The following NFATC1 variants were observed in gnomAD, a reference collection of about 807,000 sequenced individuals.
NFATC1 encodes nuclear factor of activated T cells 1.
Under a neutral mutation model 76.0 loss-of-function variants are expected in NFATC1, and 22 were observed. That is an observed-to-expected ratio of 0.29 (90% CI 0.21 to 0.41). The LOEUF (loss-of-function observed/expected upper bound fraction) is 0.41, where lower values mean the gene tolerates loss of function less well. Ranked by LOEUF, NFATC1 falls within the 10% of genes least tolerant of loss-of-function variation. The pLI is 1.00. For synonymous variants in NFATC1, 704 were observed against 613.1 expected, an observed-to-expected ratio of 1.15 and a Z score of -2.19; for missense variants, 1,357 against 1,337.7, an observed-to-expected ratio of 1.01 and a Z score of -0.23.
chr18:79,405,644 A>T lies in NFATC1; in HGVS notation c.128-4759A>T, dbSNP rs2085409750. 2.0e-5 allele frequency among the ~76,000 whole-genome samples: 3 copies of T among 152,296 alleles called. 1 individual carries two copies. The South Asian group carries it at 6.2e-4, about 32-fold the overall frequency. On this transcript the variant is annotated intron_variant, in intron 1 of 9. Coordinates refer to ENST00000427363, the MANE Select transcript of NFATC1 (RefSeq NM_001278669.2). ...CTTCTAGGAGGAACAAGGGAACTTT[A>T]TCCACTACCCGCCCTCCAAGGACCT...
rs577441637 is a variant in NFATC1, at chr18:79,458,837, G to C, written c.1904-2474G>C. Among the ~76,000 whole-genome samples, 119 of 152,370 alleles carry C rather than the reference G, an allele frequency of 7.8e-4. 1 individual carries two copies. Among genetic ancestry groups the C allele is most frequent in the African/African-American group, 2.7e-3 (114 of 41,584 alleles). ...CTGCGTCTCCTTTCCTGAGATGCGA[G>C]GTTATTTCCATCTTTCAGCAGTCTC... On this transcript the variant is annotated intron_variant, in intron 6 of 9. Coordinates refer to ENST00000427363, the MANE Select transcript of NFATC1 (RefSeq NM_001278669.2).
At chr18:79,464,709 T>A (rs1383488902) in intron 7 of NFATC1, among the ~76,000 whole-genome samples, 1 of 124,102 alleles carries the variant, frequency 8.1e-6, no homozygotes, top group South Asian at 2.3e-4. Flanking sequence ...TTTATTTATT[T>A]ATTTTTTTTT....
intron 3 of NFATC1, among the ~76,000 whole-genome samples, chr18:79,446,310 A>G (rs536498138): frequency 2.2e-4 from 33 of 152,324 alleles, no homozygotes; most frequent in African/African-American, 7.7e-4. Flanking sequence ...ACACCATCAG[A>G]GAACTGCCAC....
intron 1 of NFATC1, chr18:79,400,222 G>A (rs976486807): frequency 1.8e-5 from 21 of 1,194,302 alleles, no homozygotes; most frequent in East Asian, 3.8e-5. Context: ...CGGCGGCCGC[G>A]AGCCGGTTGT....
intron 2 of NFATC1, among the ~76,000 whole-genome samples, chr18:79,424,859 CTCTG>C (rs1188854540): frequency 4.3e-5 from 6 of 139,804 alleles, no homozygotes; most frequent in African/African-American, 1.5e-4. Flanking sequence ...CTCTGTCTCT[CTCTG>C]TCTCTCCATC....
rs754624383 is a variant in NFATC1 at position 79,410,071 on chromosome 18, G to A, written c.128-332G>A. ...CGTTCGGATGAAGATGGGGTGGTTGGGGAAGGTGGTTTTTGAATGAAGAGC... is the reference window on the plus strand; with the variant it reads ...CGTTCGGATGAAGATGGGGTGGTTGAGGAAGGTGGTTTTTGAATGAAGAGC... On this transcript the variant is annotated intron_variant, in intron 1 of 9. Coordinates refer to ENST00000427363, the MANE Select transcript of NFATC1 (RefSeq NM_001278669.2). This position sits in a 1 kb window ranked among gnomAD's most constrained non-coding sequence, Gnocchi z 6.7. 4.5e-6 allele frequency: 3 copies of A among 660,654 alleles called. No individual in the cohort carries two copies. The highest frequency in any genetic ancestry group is 3.5e-5 in the African/African-American group (2 of 56,532). The allele number at this position is 660,654 out of a possible 1,614,324, so 40.9% of individuals were successfully genotyped here.
rs368141487 is a variant in NFATC1, at chr18:79,451,657, C to A, written c.1763-19C>A. On this transcript the variant is annotated intron_variant, in intron 5 of 9. Coordinates refer to ENST00000427363, the MANE Select transcript of NFATC1 (RefSeq NM_001278669.2). The stretch of plus-strand genomic sequence containing the variant: ...CCCACTCAGGACAGGCCCTCACTGC[C>A]CCTCTCCTTCTGATGCAGCCCAGCG... The A allele has an allele frequency of 1.9e-6, 3 of 1,570,850 alleles. No individual in the cohort carries two copies. The African/African-American group carries it at 4.1e-5, about 21-fold the overall frequency.
At chr18:79,458,628 G>T (rs542053067) in intron 6 of NFATC1, among the ~76,000 whole-genome samples, 1 of 152,222 alleles carries the variant, frequency 6.6e-6, no homozygotes, top group Non-Finnish European at 1.5e-5. Flanking sequence ...TCCTGCACTC[G>T]GGCAGTTTCC....
chr18:79,430,286 C>G (rs369249648), intron 2 of NFATC1, among the ~76,000 whole-genome samples: 240 of 152,088 alleles, frequency 1.6e-3, no homozygotes, highest in African/African-American at 5.4e-3. Flanking sequence ...CTTTTCTTTT[C>G]TTCTTTCCTC....
At chr18:79,479,165 T>C (rs1424964231) in intron 8 of NFATC1, among the ~76,000 whole-genome samples, 4 of 152,258 alleles carry the variant, frequency 2.6e-5, no homozygotes, top group Non-Finnish European at 5.9e-5. Context: ...AGGTGATTGG[T>C]GTTTCTGTTG....
chr18:79,474,041 C>A (rs1600850033), intron 8 of NFATC1, among the ~76,000 whole-genome samples: 2 of 144,668 alleles, frequency 1.4e-5, no homozygotes, highest in African/African-American at 5.3e-5. Flanking sequence ...AGCGTGTTCT[C>A]ACGCTCGCTG....
At chr18:79,473,702 T>C (rs1348010253) in intron 8 of NFATC1, among the ~76,000 whole-genome samples, 4 of 148,300 alleles carry the variant, frequency 2.7e-5, no homozygotes, top group Admixed American at 2.0e-4. Flanking sequence ...TCACACTCAC[T>C]GTCGACGTTG....
rs530993647 is a variant in NFATC1 at position 79,518,744 on chromosome 18, G to T, written c.2783-8784G>T. On this transcript the variant is annotated intron_variant, in intron 9 of 9. Transcript: ENST00000427363. ...TGTCTTCAAAACGAGACTAAGGGTA[G>T]CACCCAGCTCCAAGGAGAGCTGTGC... 2.0e-5 allele frequency among the ~76,000 whole-genome samples: 3 copies of T among 152,328 alleles called. No homozygotes were observed. In the East Asian group the frequency reaches 5.8e-4, roughly 29 times the overall value.
chr18:79,507,340 G>A (rs546992136), intron 9 of NFATC1, among the ~76,000 whole-genome samples: 30 of 152,376 alleles, frequency 2.0e-4, no homozygotes, highest in Non-Finnish European at 4.0e-4. Flanking sequence ...CCTGGACTGC[G>A]GGTTAGAGGG....
At chr18:79,500,955 C>A (rs1354492854) in intron 9 of NFATC1, among the ~76,000 whole-genome samples, 1 of 152,128 alleles carries the variant, frequency 6.6e-6, no homozygotes, top group African/African-American at 2.4e-5. Flanking sequence ...ACAAACTCTT[C>A]AGAAAATGAA....
chr18:79,521,252 CAT>C (rs1360376376), intron 9 of NFATC1, among the ~76,000 whole-genome samples: 3 of 43,994 alleles, frequency 6.8e-5, no homozygotes, highest in African/African-American at 1.0e-4. Flanking sequence ...GATGTGTGTC[CAT>C]GTGTGTGTGG....
chr18:79,494,972 G>A (rs1266656819), intron 9 of NFATC1, among the ~76,000 whole-genome samples: 2 of 152,130 alleles, frequency 1.3e-5, no homozygotes, highest in African/African-American at 4.8e-5. Flanking sequence ...GGCGAGAGCG[G>A]GCACACGCCC....
chr18:79,409,592 TC>T (rs1202401190), intron 1 of NFATC1, among the ~76,000 whole-genome samples: 1 of 152,116 alleles, frequency 6.6e-6, no homozygotes, highest in East Asian at 1.9e-4. Context: ...CCCTTGTTTG[TC>T]CATCACCATC....
At chr18:79,480,659 A>C (rs2089240234) in intron 8 of NFATC1, among the ~76,000 whole-genome samples, 2 of 152,162 alleles carry the variant, frequency 1.3e-5, no homozygotes, top group Admixed American at 6.5e-5. Flanking sequence ...GACGTTCTCC[A>C]GCCAGCAGCA....
Sources: allele counts gnomAD v4.1 joint callset (sites outside exome capture counted in the v4.1 genomes callset), GRCh38; gene constraint gnomAD v4.1.1; non-coding constraint Gnocchi (gnomAD v3.1); transcripts MANE v1.5; gene names NCBI Gene and HGNC (gene_info 2026-07-23, HGNC 2026-07-21).